MORC1: variants seen among roughly 807,000 people sequenced by gnomAD.
MORC1 encodes MORC family CW-type zinc finger protein 1.
MORC1 carries 59 observed loss-of-function variants against 134.9 expected under a neutral mutation model. The ratio of observed to expected loss-of-function variants is 0.44; its 90% CI spans 0.35 to 0.54. The LOEUF is 0.54. Among genes scored for constraint, MORC1 ranks in the 20% least tolerant of loss-of-function variants. The pLI, the probability that MORC1 is intolerant of heterozygous loss-of-function variation, is 0.00. For synonymous variants in MORC1, 395 were observed against 391.7 expected, an observed-to-expected ratio of 1.01 and a Z score of -0.10; for missense variants, 947 against 1,134.5, an observed-to-expected ratio of 0.83 and a Z score of 2.37.
chr3:108,992,705 A>G (rs1167739845), intron 21 of MORC1, among the ~76,000 whole-genome samples: 1 of 152,222 alleles, frequency 6.6e-6, no homozygotes, highest in East Asian at 1.9e-4. Context: ...TAACTTCTTC[A>G]TCTGCTAACT....
chr3:109,036,501 T>G (rs1175141126), intron 14 of MORC1, among the ~76,000 whole-genome samples: 1 of 152,072 alleles, frequency 6.6e-6, no homozygotes. Context: ...TCTGTACATG[T>G]GCATATAAAA....
At chr3:109,058,303 A>C (rs1950007354) in intron 12 of MORC1, among the ~76,000 whole-genome samples, 2 of 152,136 alleles carry the variant, frequency 1.3e-5, no homozygotes, top group South Asian at 4.1e-4. Flanking sequence ...CTACCTAGCC[A>C]CTTGTGATGT....
intron 14 of MORC1, among the ~76,000 whole-genome samples, chr3:109,049,935 T>C (rs1311260378): frequency 6.6e-6 from 1 of 152,138 alleles, no homozygotes. Context: ...TGAAGAATAA[T>C]TACTATTCTT....
chr3:109,085,406 T>C (rs1950598148), intron 8 of MORC1, among the ~76,000 whole-genome samples: 1 of 152,026 alleles, frequency 6.6e-6, no homozygotes, highest in Non-Finnish European at 1.5e-5. Context: ...CTCAAACAAC[T>C]CAATGGCAAA....
chr3:108,965,283 T>C (rs1269995440), intron 26 of MORC1, among the ~76,000 whole-genome samples: 1 of 152,158 alleles, frequency 6.6e-6, no homozygotes, highest in Non-Finnish European at 1.5e-5. Flanking sequence ...TGGCAAACAT[T>C]ATGGAAACAT....
intron 21 of MORC1, among the ~76,000 whole-genome samples, chr3:108,992,338 T>G (rs1948087178): frequency 6.6e-6 from 1 of 152,332 alleles, no homozygotes; most frequent in African/African-American, 2.4e-5. Flanking sequence ...TATCCACAAC[T>G]TTTAAAGACA....
At chr3:109,013,495 G>T (rs976966357) in intron 17 of MORC1, among the ~76,000 whole-genome samples, 1 of 152,186 alleles carries the variant, frequency 6.6e-6, no homozygotes, top group African/African-American at 2.4e-5. Context: ...GTGAATCAAA[G>T]TTGGTCCAGT....
At position 109,118,108 on chromosome 3, in the gene MORC1, G is replaced by C. The variant is rs374271855; in HGVS notation, c.-49C>G. 4 of 1,572,778 alleles carry C rather than the reference G, an allele frequency of 2.5e-6. No homozygotes were observed. Among genetic ancestry groups the C allele is most frequent in the Admixed American group, 1.8e-5 (1 of 55,706 alleles). ...CTCAAGGGGACAAGGACACCTGACC[G>C]GCAGCCGTTCGCCTGCGCCCGCGCC... On this transcript the variant is annotated 5_prime_UTR_variant, in exon 1 of 28. Coordinates refer to ENST00000232603, the MANE Select transcript of MORC1 (RefSeq NM_014429.4).
At chr3:108,965,976 T>G (rs1947208462) in intron 26 of MORC1, among the ~76,000 whole-genome samples, 1 of 152,212 alleles carries the variant, frequency 6.6e-6, no homozygotes, top group Non-Finnish European at 1.5e-5. Context: ...TTTGGTTTAT[T>G]CTCTTGCCTT....
intron 23 of MORC1, among the ~76,000 whole-genome samples, chr3:108,983,949 G>C (rs1025151330): frequency 3.3e-5 from 5 of 152,290 alleles, no homozygotes; most frequent in Middle Eastern, 3.4e-3. Context: ...AGGCATGAGA[G>C]AAGAGGATCT....
chr3:109,117,035 T>C (rs1161724038), intron 1 of MORC1, among the ~76,000 whole-genome samples: 1 of 151,668 alleles, frequency 6.6e-6, no homozygotes, highest in Non-Finnish European at 1.5e-5. Context: ...GCCCTGAGCA[T>C]TTTTCTTAAA....
chr3:109,032,904 A>C, intron 15 of MORC1, 79 bp from the exon 16 acceptor site: 1 of 919,222 alleles, frequency 1.1e-6, no homozygotes, highest in Non-Finnish European at 1.8e-6. Flanking sequence ...TGCACATATC[A>C]AAAGTATGAG....
intron 8 of MORC1, among the ~76,000 whole-genome samples, chr3:109,081,361 C>T (rs971297019): frequency 3.9e-5 from 6 of 151,950 alleles, no homozygotes; most frequent in Admixed American, 3.9e-4. Flanking sequence ...AAATTAATAC[C>T]AGCAATACCA....
At chr3:109,104,435 C>T (rs1049348495) in intron 3 of MORC1, among the ~76,000 whole-genome samples, 5 of 152,122 alleles carry the variant, frequency 3.3e-5, no homozygotes, top group South Asian at 4.1e-4. Flanking sequence ...CTCTTCAAGA[C>T]GCACTTAATT....
At chr3:109,021,175 G>A (rs940253526) in intron 17 of MORC1, among the ~76,000 whole-genome samples, 9 of 152,160 alleles carry the variant, frequency 5.9e-5, no homozygotes, top group African/African-American at 1.9e-4. Flanking sequence ...CAGGCCCTGA[G>A]GTGTACCCCA....
intron 25 of MORC1, 56 bp downstream of exon 25, chr3:108,971,274 A>G: frequency 1.3e-6 from 2 of 1,496,268 alleles, no homozygotes; most frequent in Non-Finnish European, 1.9e-6. Flanking sequence ...ATTTTTCTTC[A>G]CTGAGATTCA....
chr3:108,979,427 T>C (rs1947649643), intron 24 of MORC1, 88 bp downstream of exon 24: 1 of 1,408,236 alleles, frequency 7.1e-7, no homozygotes, highest in Non-Finnish European at 9.8e-7. Context: ...TTCAGTATCA[T>C]TAAAACTCAG....
In MORC1 at chr3:108,997,332, G is replaced by C. The variant is rs996365281; in HGVS notation, c.2187+3225C>G. Among the ~76,000 whole-genome samples the C allele has an allele frequency of 2.6e-5, 4 of 152,038 alleles. No homozygotes were observed. In the East Asian group the frequency reaches 5.8e-4, roughly 22 times the overall value. ...TGGATCACTTGAGGCCAGGAGTTTG[G>C]GCCAGCCTTGCCAAGATGGAAAAAC... On this transcript the variant is annotated intron_variant, in intron 21 of 27. Coordinates refer to ENST00000232603, the MANE Select transcript of MORC1 (RefSeq NM_014429.4).
At position 109,040,447 on chromosome 3, in the gene MORC1, A is replaced by G. The variant is rs867528478; in HGVS notation, c.1331-4979T>C. On this transcript the variant is annotated intron_variant, in intron 14 of 27. Transcript: ENST00000232603. The stretch of plus-strand genomic sequence containing the variant: ...AGGAAGGAAAGAAAGAAAGAAAGAA[A>G]GAAAGAAAGAAAGAAAGAAAGAAAG... 2.9e-3 allele frequency among the ~76,000 whole-genome samples: 392 copies of G among 136,918 alleles called. 4 individuals carry two copies. Among genetic ancestry groups the G allele is most frequent in the African/African-American group, 8.6e-3 (310 of 35,940 alleles). 89.8% of individuals were successfully genotyped at this position (136,918 alleles called of 152,430 possible). A position where few individuals can be genotyped will look rare whatever the true frequency, so the allele number is the denominator to read the frequency against.
Sources: gnomAD v4.1 joint callset for allele counts (sites outside exome capture counted in the v4.1 genomes callset) on GRCh38, gnomAD v4.1.1 for gene constraint, MANE v1.5 for transcripts, NCBI Gene and HGNC (gene_info 2026-07-23, HGNC 2026-07-21) for gene names.